Variants in TBCD observed in about 807,000 individuals in gnomAD.
The protein encoded by TBCD is tubulin-specific chaperone D.
A neutral mutation model predicts 169.3 loss-of-function variants in TBCD; 105 were observed. That is an observed-to-expected ratio of 0.62 (90% CI 0.53 to 0.73). The LOEUF (loss-of-function observed/expected upper bound fraction) is 0.73. TBCD is among the 30% of genes least tolerant of loss of function. TBCD has a pLI of 0.00. For missense variants in TBCD, 1,444 were observed against 1,600.1 expected, an observed-to-expected ratio of 0.90 and a Z score of 1.66; for synonymous variants, 700 against 643.9, an observed-to-expected ratio of 1.09 and a Z score of -1.32.
intron 23 of TBCD, chr17:82,913,896 C>T (rs985481402): frequency 6.6e-6 from 1 of 152,278 alleles, no homozygotes; most frequent in African/African-American, 2.4e-5. Flanking sequence ...GGAAAAACCG[C>T]AGGTCCTGGA....
intron 19 of TBCD, among the ~76,000 whole-genome samples, chr17:82,904,421 T>C (rs926051426): frequency 6.6e-6 from 1 of 152,232 alleles, no homozygotes; most frequent in African/African-American, 2.4e-5. Context: ...GAATGCACTT[T>C]GGAATTGGGC....
rs584028 is a variant in TBCD at position 82,774,277 on chromosome 17, A to C, written c.638+1770A>C. ...CTTAAGGAGCATGCTGCCTTCAAGCATCTGTTTAACAAAGCACATCTTGCA... is the reference window on the plus strand; with the variant it reads ...CTTAAGGAGCATGCTGCCTTCAAGCCTCTGTTTAACAAAGCACATCTTGCA... On this transcript the variant is annotated intron_variant, in intron 6 of 38. Coordinates refer to ENST00000355528, the MANE Select transcript of TBCD (RefSeq NM_005993.5). 6.3e-3 allele frequency among the ~76,000 whole-genome samples: 957 copies of C among 152,256 alleles called. 9 individuals carry two copies. The highest frequency in any genetic ancestry group is 0.022 in the African/African-American group (909 of 41,540).
In TBCD at chr17:82,831,858, G is replaced by A; in HGVS notation, c.1318+16924G>A. On this transcript the variant is annotated intron_variant, in intron 13 of 38. Transcript: ENST00000355528. This position sits in a 1 kb window ranked among gnomAD's most constrained non-coding sequence, Gnocchi z 4.6. ...TCCAGGGGTAGCCAGGAGTGTGGAAGGCCGACTTGGTGTGGAAAGACACGG... is the reference window on the plus strand; with the variant it reads ...TCCAGGGGTAGCCAGGAGTGTGGAAAGCCGACTTGGTGTGGAAAGACACGG... 4.3e-6 allele frequency: 7 copies of A among 1,614,214 alleles called. No individual in the cohort carries two copies. The highest frequency in any genetic ancestry group is 5.9e-6 in the Non-Finnish European group (7 of 1,180,040).
intron 13 of TBCD, among the ~76,000 whole-genome samples, chr17:82,815,724 A>G (rs2144952997): frequency 6.6e-6 from 1 of 152,342 alleles, no homozygotes; most frequent in Non-Finnish European, 1.5e-5. Flanking sequence ...TCTGTCCAAA[A>G]TAAAGACACC....
At chr17:82,935,295 A>G (rs2062530769) in intron 34 of TBCD, among the ~76,000 whole-genome samples, 3 of 151,962 alleles carry the variant, frequency 2.0e-5, no homozygotes, top group South Asian at 4.2e-4. Flanking sequence ...ACTTTTTTCC[A>G]TCGTTTTACT....
chr17:82,834,632 G>A (rs1419711286), intron 13 of TBCD, among the ~76,000 whole-genome samples: 4 of 151,802 alleles, frequency 2.6e-5, no homozygotes, highest in East Asian at 1.9e-4. Flanking sequence ...AAAACCAAAC[G>A]TGCATGGTCT....
At chr17:82,784,078 C>T (rs1416946404) in intron 7 of TBCD, among the ~76,000 whole-genome samples, 2 of 151,782 alleles carry the variant, frequency 1.3e-5, no homozygotes, top group Non-Finnish European at 2.9e-5. Context: ...GAGCCGAGAT[C>T]ATGCCACTGC....
intron 13 of TBCD, among the ~76,000 whole-genome samples, chr17:82,837,094 C>A (rs191287912): frequency 2.0e-5 from 3 of 152,174 alleles, no homozygotes; most frequent in Non-Finnish European, 4.4e-5. Context: ...GTAAGCCGGG[C>A]GTAGGTCACC....
intron 6 of TBCD, among the ~76,000 whole-genome samples, chr17:82,779,000 G>GTTTATTTA (rs72200309): frequency 4.7e-5 from 7 of 147,844 alleles, no homozygotes; most frequent in South Asian, 2.2e-4. Context: ...TAGAGATGGG[G>GTTTATTTA]TTTATTTATT....
At chr17:82,868,596 A>G (rs2057349840) in intron 13 of TBCD, among the ~76,000 whole-genome samples, 1 of 152,244 alleles carries the variant, frequency 6.6e-6, no homozygotes, top group South Asian at 2.1e-4. Flanking sequence ...CCATATGTAT[A>G]TAAAATACAC....
Position 82,942,524 on chromosome 17 carries a change from G to C in TBCD, c.*61G>C. On this transcript the variant is annotated 3_prime_UTR_variant, in exon 39 of 39. Coordinates refer to ENST00000355528, the MANE Select transcript of TBCD (RefSeq NM_005993.5). ...GTGAGGATGTCTTGTTCCTGAGGGA[G>C]GCCGGTGTGGAAAGCCTCGCACAGT... The C allele has an allele frequency of 6.2e-7, 1 of 1,612,392 alleles. No homozygotes were observed. Among genetic ancestry groups the C allele is most frequent in the South Asian group, 1.1e-5 (1 of 90,988 alleles).
intron 4 of TBCD, among the ~76,000 whole-genome samples, chr17:82,768,187 C>T (rs533603423): frequency 1.1e-3 from 170 of 152,216 alleles, no homozygotes; most frequent in Non-Finnish European, 2.1e-3. Flanking sequence ...ATTTTGATGT[C>T]TCTCTTGTCT....
At position 82,889,717 on chromosome 17, in the gene TBCD, C is replaced by A. The variant is rs1567967041; in HGVS notation, c.1563+20C>A. 2 of 1,612,256 alleles carry A rather than the reference C, an allele frequency of 1.2e-6. No individual in the cohort carries two copies. Among genetic ancestry groups the A allele is most frequent in the Non-Finnish European group, 1.7e-6 (2 of 1,179,356 alleles). ...AGACAGGTATGGCTGCTTTCAAACA[C>A]CTTTATTCCAAAAACTTCCTGCGGG... On this transcript the variant is annotated intron_variant, in intron 16 of 38. Transcript: ENST00000355528. The surrounding 1 kb of genome is among the most constrained non-coding windows in gnomAD (Gnocchi z 5.3).
At chr17:82,787,104 C>T (rs904551861) in intron 7 of TBCD, among the ~76,000 whole-genome samples, 11 of 152,282 alleles carry the variant, frequency 7.2e-5, no homozygotes, top group African/African-American at 2.6e-4. Context: ...TTTTCCCCTT[C>T]CTCCCGAGGT....
intron 14 of TBCD, among the ~76,000 whole-genome samples, chr17:82,878,307 T>G (rs555308939): frequency 1.7e-4 from 26 of 152,218 alleles, no homozygotes; most frequent in Non-Finnish European, 3.7e-4. Context: ...AATTCACCCC[T>G]TTAGGGTCCA....
At chr17:82,924,618 C>T (rs1207778241) in intron 26 of TBCD, among the ~76,000 whole-genome samples, 2 of 152,274 alleles carry the variant, frequency 1.3e-5, no homozygotes, top group East Asian at 3.9e-4. Flanking sequence ...ATATAAAAAT[C>T]ATGCATTAGC....
At chr17:82,860,626 C>G (rs899420465) in intron 13 of TBCD, among the ~76,000 whole-genome samples, 2 of 152,236 alleles carry the variant, frequency 1.3e-5, no homozygotes, top group Non-Finnish European at 2.9e-5. Flanking sequence ...GCAGACGCCA[C>G]TGGCTTTGAT....
chr17:82,775,323 G>A (rs2048528790), intron 6 of TBCD, among the ~76,000 whole-genome samples: 1 of 152,216 alleles, frequency 6.6e-6, no homozygotes, highest in Non-Finnish European at 1.5e-5. Context: ...TTTGAGAATG[G>A]CGGATGCCGT....
chr17:82,763,408 C>T (rs938950525), intron 2 of TBCD, among the ~76,000 whole-genome samples: 1 of 152,160 alleles, frequency 6.6e-6, no homozygotes, highest in Non-Finnish European at 1.5e-5. Context: ...TTACGTTTAA[C>T]CTAGCTATGT....
Sources: allele counts gnomAD v4.1 joint callset (sites outside exome capture counted in the v4.1 genomes callset), GRCh38; gene constraint gnomAD v4.1.1; non-coding constraint Gnocchi (gnomAD v3.1); transcripts MANE v1.5; gene names NCBI Gene and HGNC (gene_info 2026-07-23, HGNC 2026-07-21).